Variants in ATP6V1H observed in about 807,000 individuals in gnomAD.
ATP6V1H encodes the protein ATPase H+ transporting V1 subunit H, also known as V-type proton ATPase subunit H.
ATP6V1H carries 39 observed loss-of-function variants against 71.7 expected under a neutral mutation model. That is an observed-to-expected ratio of 0.54 (90% confidence interval 0.42 to 0.71). The LOEUF (loss-of-function observed/expected upper bound fraction) is 0.71, where lower values mean the gene tolerates loss of function less well. Ranked by LOEUF, ATP6V1H falls within the 30% of genes least tolerant of loss-of-function variation. The pLI is 0.00. For missense variants in ATP6V1H, 509 were observed against 594.9 expected, an observed-to-expected ratio of 0.86 and a Z score of 1.50; for synonymous variants, 192 against 199.3, an observed-to-expected ratio of 0.96 and a Z score of 0.31.
At chr8:53,786,734 G>A (rs1809397453) in intron 9 of ATP6V1H, among the ~76,000 whole-genome samples, 1 of 152,204 alleles carries the variant, frequency 6.6e-6, no homozygotes, top group Admixed American at 6.5e-5. Flanking sequence ...AAGCAAAAGT[G>A]ACAAATCCAG....
intron 11 of ATP6V1H, among the ~76,000 whole-genome samples, chr8:53,768,656 A>G (rs1238380122): frequency 2.0e-5 from 3 of 152,168 alleles, no homozygotes; most frequent in Non-Finnish European, 4.4e-5. Flanking sequence ...CCCTGAACAC[A>G]TTACAGTACA....
chr8:53,737,948 AT>A (rs916592242), intron 13 of ATP6V1H, among the ~76,000 whole-genome samples: 5 of 152,196 alleles, frequency 3.3e-5, no homozygotes, highest in South Asian at 2.1e-4. Context: ...GCTATAAAAC[AT>A]TTTTTCCCCC....
chr8:53,740,044 T>C (rs952425656), intron 13 of ATP6V1H, among the ~76,000 whole-genome samples: 4 of 152,226 alleles, frequency 2.6e-5, no homozygotes, highest in African/African-American at 9.6e-5. Context: ...AATTCAAGGA[T>C]ACAGTTTTGA....
chr8:53,790,493 T>C (rs1341704929), intron 9 of ATP6V1H, among the ~76,000 whole-genome samples: 2 of 152,198 alleles, frequency 1.3e-5, no homozygotes, highest in South Asian at 4.1e-4. Flanking sequence ...ATTTAGCACA[T>C]ATTTTTCGAA....
chr8:53,732,201 G>A (rs1193842791), intron 13 of ATP6V1H, among the ~76,000 whole-genome samples: 1 of 152,134 alleles, frequency 6.6e-6, no homozygotes, highest in African/African-American at 2.4e-5. Context: ...ACAAGTGAGT[G>A]ACCTTTTACC....
chr8:53,752,305 T>C (rs1807824181), intron 12 of ATP6V1H, among the ~76,000 whole-genome samples: 1 of 151,594 alleles, frequency 6.6e-6, no homozygotes, highest in Admixed American at 6.5e-5. Context: ...GGAATCCTTC[T>C]CCTGATACCT....
intron 11 of ATP6V1H, among the ~76,000 whole-genome samples, chr8:53,769,303 A>G (rs1383629639): frequency 1.3e-5 from 2 of 152,148 alleles, no homozygotes; most frequent in Non-Finnish European, 2.9e-5. Context: ...AGACACCATT[A>G]AAAAGTAAAA....
intron 13 of ATP6V1H, among the ~76,000 whole-genome samples, chr8:53,739,271 TAA>T (rs1229000213): frequency 1.3e-5 from 2 of 152,198 alleles, no homozygotes; most frequent in Admixed American, 6.5e-5. Context: ...CTAAAACACA[TAA>T]GAGGTTTTTT....
chr8:53,840,685 G>T (rs1811316992), intron 2 of ATP6V1H, among the ~76,000 whole-genome samples: 2 of 151,974 alleles, frequency 1.3e-5, no homozygotes, highest in African/African-American at 4.8e-5. Context: ...AGAAATTAAA[G>T]GATCATTTTT....
intron 7 of ATP6V1H, among the ~76,000 whole-genome samples, chr8:53,803,674 T>C (rs1480322828): frequency 6.6e-6 from 1 of 152,170 alleles, no homozygotes; most frequent in African/African-American, 2.4e-5. Context: ...AAACACAATA[T>C]ATCTAGTAAT....
At chr8:53,723,316 A>G (rs1443886509) in intron 13 of ATP6V1H, among the ~76,000 whole-genome samples, 1 of 152,058 alleles carries the variant, frequency 6.6e-6, no homozygotes, top group African/African-American at 2.4e-5. Context: ...TCTCTCCTCC[A>G]TATACTGAAT....
At chr8:53,765,308 TGGAGAATCTTGCACCCG>T (rs1474342090) in intron 11 of ATP6V1H, among the ~76,000 whole-genome samples, 3 of 149,198 alleles carry the variant, frequency 2.0e-5, no homozygotes, top group South Asian at 2.1e-4. Context: ...AGGCTGAGGC[TGGAGAATCTTGCACCCG>T]GGAGGCGGAG....
chr8:53,764,418 A>G (rs1261389167), intron 11 of ATP6V1H, among the ~76,000 whole-genome samples: 1 of 152,242 alleles, frequency 6.6e-6, no homozygotes, highest in Admixed American at 6.5e-5. Context: ...AACAGGCTAA[A>G]AAAGAAAAAT....
At chr8:53,820,477 A>C (rs1343275631) in intron 4 of ATP6V1H, among the ~76,000 whole-genome samples, 1 of 151,916 alleles carries the variant, frequency 6.6e-6, no homozygotes. Flanking sequence ...GCCTTGGCAT[A>C]TAATGAGACC....
rs139364478 is a variant in ATP6V1H at position 53,801,870 on chromosome 8, G to A, written c.606C>T (p.Ala202=). The part of the protein sequence containing the change: ...SDSSQYVQCV[A]GCLQLMLRVN... The stretch of plus-strand genomic sequence containing the variant: ...CCCGGAGCATCAGCTGCAAACACCC[G>A]GCCACGCACTGCACATACTGCGAAC... The change falls in exon 8 of 14, where the codon GCC becomes GCT. Residue 202 remains alanine, a synonymous_variant. Coordinates refer to ENST00000359530, the MANE Select transcript of ATP6V1H (RefSeq NM_015941.4). 29 of 1,613,666 alleles carry A rather than the reference G, an allele frequency of 1.8e-5. No individual in the cohort carries two copies. The highest frequency in any genetic ancestry group is 1.6e-4 in the Middle Eastern group (1 of 6,084).
At chr8:53,753,356 T>C (rs1807869329) in intron 12 of ATP6V1H, among the ~76,000 whole-genome samples, 1 of 152,154 alleles carries the variant, frequency 6.6e-6, no homozygotes, top group Non-Finnish European at 1.5e-5. Flanking sequence ...ATATTGGTGA[T>C]AGGAAGTCAA....
chr8:53,744,752 TA>T (rs1281899389), intron 12 of ATP6V1H, among the ~76,000 whole-genome samples: 1 of 152,212 alleles, frequency 6.6e-6, no homozygotes, highest in Non-Finnish European at 1.5e-5. Flanking sequence ...ATAATGTAAC[TA>T]TCATCAAACA....
rs144277987 is a variant in ATP6V1H, at chr8:53,733,023, T to C, written c.1391+10554A>G. ...ACTGGGGTAGACAAGGACGGGCATA[T>C]GGTAGAAAGGTGTGCCTTTGTGTAT... is the stretch of plus-strand genomic sequence containing the variant. On this transcript the variant is annotated intron_variant, in intron 13 of 13. Transcript: ENST00000359530. Among the ~76,000 whole-genome samples, 1,354 of 152,330 alleles carry C rather than the reference T, an allele frequency of 8.9e-3. 17 individuals carry two copies. The highest frequency in any genetic ancestry group is 0.014 in the South Asian group (66 of 4,828).
intron 13 of ATP6V1H, among the ~76,000 whole-genome samples, chr8:53,717,537 A>G (rs1012282138): frequency 1.2e-4 from 19 of 152,244 alleles, no homozygotes; most frequent in African/African-American, 4.3e-4. Flanking sequence ...GCTACCAGGA[A>G]CTACGCTGAC....
Sources: gnomAD v4.1 joint callset for allele counts (sites outside exome capture counted in the v4.1 genomes callset) on GRCh38, gnomAD v4.1.1 for gene constraint, MANE v1.5 for transcripts, NCBI Gene and HGNC (gene_info 2026-07-23, HGNC 2026-07-21) for gene names.